The following NTRK3 variants were observed in gnomAD, a reference collection of about 807,000 sequenced individuals.
The protein encoded by NTRK3 is neurotrophic receptor tyrosine kinase 3.
Under a neutral mutation model 91.7 loss-of-function variants are expected in NTRK3, and 24 were observed. The observed-to-expected ratio is 0.26, with a 90% CI of 0.19 to 0.37. The LOEUF is 0.37. Among genes scored for constraint, NTRK3 ranks in the 10% least tolerant of loss-of-function variants. NTRK3 has a pLI of 1.00. For synonymous variants in NTRK3, 483 were observed against 404.0 expected (o/e 1.20, Z -2.34); for missense variants, 880 against 1,068.9 (o/e 0.82, Z 2.46).
chr15:88,110,382 T>C (rs61236588), intron 13 of NTRK3, among the ~76,000 whole-genome samples: 1 of 151,896 alleles, frequency 6.6e-6, no homozygotes, highest in Non-Finnish European at 1.5e-5. Flanking sequence ...AGGAGAACAT[T>C]CTCCCCCAGA....
chr15:88,160,361 G>T (rs2044332692), intron 5 of NTRK3, among the ~76,000 whole-genome samples: 1 of 152,204 alleles, frequency 6.6e-6, no homozygotes, highest in Non-Finnish European at 1.5e-5. Context: ...TGAGGCTACA[G>T]GATGAGCTAA....
chr15:88,118,900 A>G (rs181294901), intron 13 of NTRK3, among the ~76,000 whole-genome samples: 1 of 152,316 alleles, frequency 6.6e-6, no homozygotes, highest in Non-Finnish European at 1.5e-5. Flanking sequence ...CACTCAATGA[A>G]TCTGAGATGC....
At chr15:87,869,431 G>C in exon 19 of NTRK3, 1 of 224,280 alleles carries the variant, frequency 4.5e-6, no homozygotes, top group South Asian at 1.8e-4. Flanking sequence ...AATTACTCCA[G>C]GGCAGGGCTT....
chr15:88,227,392 G>C (rs575332274), intron 3 of NTRK3, among the ~76,000 whole-genome samples: 2 of 152,162 alleles, frequency 1.3e-5, no homozygotes, highest in Admixed American at 1.3e-4. Context: ...TTTGGAGATA[G>C]AACCTTTAAA....
At chr15:87,861,169 C>T (rs983205598) in exon 19 of NTRK3, 4 of 222,910 alleles carry the variant, frequency 1.8e-5, no homozygotes, top group Non-Finnish European at 3.6e-5. Flanking sequence ...GGGAAACACA[C>T]ATGAACACAT....
intron 13 of NTRK3, among the ~76,000 whole-genome samples, chr15:88,040,774 A>C (rs1218550842): frequency 3.3e-5 from 5 of 151,398 alleles, no homozygotes; most frequent in African/African-American, 4.9e-5. Flanking sequence ...CCTGTGGTTT[A>C]CAAGAAAAGG....
At chr15:88,238,256 G>T (rs2051991354) in intron 3 of NTRK3, among the ~76,000 whole-genome samples, 2 of 152,090 alleles carry the variant, frequency 1.3e-5, no homozygotes, top group Admixed American at 1.3e-4. Flanking sequence ...GGCAGCCCCA[G>T]CCAAGAAATA....
At chr15:88,013,418 G>A (rs991780378) in intron 14 of NTRK3, among the ~76,000 whole-genome samples, 1 of 152,194 alleles carries the variant, frequency 6.6e-6, no homozygotes, top group African/African-American at 2.4e-5. Context: ...CCATACACTT[G>A]GTGATGCTCT....
At chr15:88,165,568 C>A (rs940278886) in intron 5 of NTRK3, among the ~76,000 whole-genome samples, 6 of 152,152 alleles carry the variant, frequency 3.9e-5, no homozygotes, top group African/African-American at 1.4e-4. Context: ...GAAATCATTT[C>A]CTGAGAAATC....
intron 17 of NTRK3, among the ~76,000 whole-genome samples, chr15:87,905,054 C>T (rs973756424): frequency 1.3e-5 from 2 of 152,108 alleles, no homozygotes; most frequent in Admixed American, 1.3e-4. Context: ...TGAGGTAACC[C>T]TACCCAATAG....
At chr15:87,964,945 T>G (rs564489217) in intron 14 of NTRK3, among the ~76,000 whole-genome samples, 1 of 152,376 alleles carries the variant, frequency 6.6e-6, no homozygotes, top group East Asian at 1.9e-4. Flanking sequence ...TATGAACATT[T>G]CTGTGCAAGT....
intron 4 of NTRK3, 104 bp from the exon 5 acceptor site, chr15:88,183,593 G>C (rs369830692): frequency 1.9e-6 from 2 of 1,059,624 alleles, no homozygotes; most frequent in East Asian, 4.7e-5. Context: ...CCCTGCAGCC[G>C]CCCTGTGGAT....
At chr15:88,151,202 G>C (rs75522731) in intron 5 of NTRK3, among the ~76,000 whole-genome samples, 1 of 152,104 alleles carries the variant, frequency 6.6e-6, no homozygotes, top group Non-Finnish European at 1.5e-5. Flanking sequence ...ATCAAGTTCC[G>C]TGACACTGCC....
intron 14 of NTRK3, among the ~76,000 whole-genome samples, chr15:87,974,878 G>C (rs1035412782): frequency 1.8e-4 from 28 of 152,266 alleles, no homozygotes; most frequent in African/African-American, 5.5e-4. Flanking sequence ...GGAGTGGAGT[G>C]GGGTTGGAGG....
intron 5 of NTRK3, among the ~76,000 whole-genome samples, chr15:88,163,823 G>C (rs780186651): frequency 6.6e-6 from 1 of 152,152 alleles, no homozygotes; most frequent in African/African-American, 2.4e-5. Context: ...AATTTCATCA[G>C]GTCAGTTTCC....
Position 88,235,014 on chromosome 15 carries a change from T to A in NTRK3, c.248+20892A>T, listed in dbSNP as rs534928351. 3.3e-4 allele frequency among the ~76,000 whole-genome samples: 50 copies of A among 152,294 alleles called. No individual in the cohort carries two copies. The highest frequency in any genetic ancestry group is 1.1e-3 in the African/African-American group (45 of 41,572). On this transcript the variant is annotated intron_variant, in intron 3 of 18. Coordinates refer to ENST00000394480, the Ensembl canonical transcript of NTRK3. This position sits in a 1 kb window ranked among gnomAD's most constrained non-coding sequence, Gnocchi z 5.2. ...TCATGAAGCTCTGACTGTCTGTCACTGACAGATCGAAGCTGGACAATCCAT... is the reference window on the plus strand; with the variant it reads ...TCATGAAGCTCTGACTGTCTGTCACAGACAGATCGAAGCTGGACAATCCAT...
At chr15:87,979,588 C>T in intron 14 of NTRK3, 1 of 689,514 alleles carries the variant, frequency 1.5e-6, no homozygotes, top group East Asian at 2.7e-5. Context: ...GAACTGTCAG[C>T]AAAAGGGAAG....
chr15:87,885,913 A>C (rs1271445681), intron 17 of NTRK3, among the ~76,000 whole-genome samples, 178 bp from the exon 18 acceptor site: 2 of 152,006 alleles, frequency 1.3e-5, no homozygotes, highest in African/African-American at 4.8e-5. Context: ...AGACAACATA[A>C]GCATAGCTAA....
intron 5 of NTRK3, among the ~76,000 whole-genome samples, chr15:88,149,563 T>C (rs538884093): frequency 6.6e-6 from 1 of 152,292 alleles, no homozygotes; most frequent in Admixed American, 6.5e-5. Context: ...AAACCCCTAA[T>C]GACTATACAG....
Sources: gnomAD v4.1 joint callset for allele counts (sites outside exome capture counted in the v4.1 genomes callset) on GRCh38, gnomAD v4.1.1 for gene constraint, Gnocchi (gnomAD v3.1) non-coding constraint, MANE v1.5 for transcripts, NCBI Gene and HGNC (gene_info 2026-07-23, HGNC 2026-07-21) for gene names.